Variants in GORASP2 observed in about 807,000 individuals in gnomAD.
The protein encoded by GORASP2 is Golgi reassembly-stacking protein 2.
A neutral mutation model predicts 45.7 loss-of-function variants in GORASP2; 22 were observed. The observed-to-expected ratio is 0.48, with a 90% CI of 0.34 to 0.69. The LOEUF (loss-of-function observed/expected upper bound fraction) is 0.69, where lower values mean the gene tolerates loss of function less well. GORASP2 is among the 30% of genes least tolerant of loss of function. The probability of loss-of-function intolerance (pLI) is 0.01; values close to 1 mark genes in which losing one functional copy is unlikely to be tolerated. For synonymous variants in GORASP2, 221 were observed against 215.6 expected (o/e 1.02, Z -0.22); for missense variants, 491 against 562.7 (o/e 0.87, Z 1.29).
chr2:170,942,308 A>G (rs1003100966), intron 1 of GORASP2, among the ~76,000 whole-genome samples: 2 of 152,188 alleles, frequency 1.3e-5, no homozygotes, highest in Non-Finnish European at 2.9e-5. Context: ...TTCTGCAACC[A>G]TCACCACTGC....
chr2:170,939,022 A>C (rs1266695742), intron 1 of GORASP2, among the ~76,000 whole-genome samples: 1 of 152,176 alleles, frequency 6.6e-6, no homozygotes, highest in East Asian at 1.9e-4. Flanking sequence ...CAGAGAAGTT[A>C]ATCTGATTTG....
Position 170,929,285 on chromosome 2 carries a change from C to G in GORASP2, c.-56C>G. ...ACGCGGAGGATTAGAGCAGGCGGTG[C>G]GCTGGGGGCGGGAGCAGCGCGGAGC... On this transcript the variant is annotated 5_prime_UTR_variant, in exon 1 of 10. Transcript: ENST00000234160. The G allele has an allele frequency of 7.8e-7, 1 of 1,277,546 alleles. No homozygotes were observed. Among genetic ancestry groups the G allele is most frequent in the South Asian group, 2.0e-5 (1 of 49,606 alleles). The allele number at this position is 1,277,546 out of a possible 1,614,324, so 79.1% of individuals were successfully genotyped here. A position where few individuals can be genotyped will look rare whatever the true frequency, so the allele number is the denominator to read the frequency against.
At chr2:170,934,233 G>C (rs1421164026) in intron 1 of GORASP2, among the ~76,000 whole-genome samples, 1 of 144,000 alleles carries the variant, frequency 6.9e-6, no homozygotes, top group Admixed American at 7.0e-5. Flanking sequence ...TCAAACTTTT[G>C]AAACTCATAC....
intron 2 of GORASP2, 43 bp from the exon 3 acceptor site, chr2:170,949,496 A>T: frequency 6.8e-7 from 1 of 1,461,472 alleles, no homozygotes; most frequent in Non-Finnish European, 9.6e-7. Flanking sequence ...AGCTAACATT[A>T]AATTTTTATT....
intron 1 of GORASP2, among the ~76,000 whole-genome samples, 197 bp from the exon 2 acceptor site, chr2:170,948,153 G>T (rs72876702): frequency 0.052 from 7,875 of 151,990 alleles, 314 homozygotes; most frequent in Non-Finnish European, 0.075. Flanking sequence ...ATAAATAGAA[G>T]ATTAACTTAA....
chr2:170,958,684 AAAAACAG>A (rs1559315040), intron 7 of GORASP2, among the ~76,000 whole-genome samples: 1 of 135,078 alleles, frequency 7.4e-6, no homozygotes, highest in Non-Finnish European at 1.6e-5. Context: ...TAAAAAAAAA[AAAAACAG>A]ACTCTGTTGC....
intron 1 of GORASP2, among the ~76,000 whole-genome samples, chr2:170,943,591 G>A (rs533172387): frequency 6.6e-6 from 1 of 152,144 alleles, no homozygotes; most frequent in Non-Finnish European, 1.5e-5. Flanking sequence ...CTAATAACTG[G>A]ACAAAATCAT....
chr2:170,942,770 G>A (rs538256665), intron 1 of GORASP2, among the ~76,000 whole-genome samples: 6 of 152,266 alleles, frequency 3.9e-5, no homozygotes, highest in African/African-American at 1.4e-4. Flanking sequence ...GTAACATTTT[G>A]AGGATCTGCC....
At position 170,956,541 on chromosome 2, in the gene GORASP2, A is replaced by G; in HGVS notation, c.805A>G (p.Ser269Gly). ...LSISSTPPAV[S>G]SVLSTGVPTV... is the part of the protein sequence containing the mutation. ...TATTAGCTCAACTCCACCAGCTGTC[A>G]GTAGTGTTCTCAGTACAGGTGTGCA... The change falls in exon 7 of 10, where the codon AGT becomes GGT. Residue 269 changes from serine to glycine, a missense_variant. Transcript: ENST00000234160. The G allele has an allele frequency of 6.2e-7, 1 of 1,612,868 alleles. No individual in the cohort carries two copies. Among genetic ancestry groups the G allele is most frequent in the South Asian group, 1.1e-5 (1 of 90,916 alleles).
chr2:170,929,698 T>C (rs1359480993), intron 1 of GORASP2: 2 of 612,828 alleles, frequency 3.3e-6, no homozygotes, highest in East Asian at 3.7e-5. Context: ...CTTGCTCTTT[T>C]TCCGCACGGC....
At chr2:170,951,547 A>C in intron 5 of GORASP2, 89 bp downstream of exon 5, 1 of 1,053,516 alleles carries the variant, frequency 9.5e-7, no homozygotes, top group East Asian at 2.5e-5. Flanking sequence ...TTTGAAAGAA[A>C]TTACTGGTTT....
chr2:170,961,084 G>A (rs1464867424), intron 7 of GORASP2, among the ~76,000 whole-genome samples: 6 of 152,166 alleles, frequency 3.9e-5, no homozygotes, highest in Admixed American at 6.5e-5. Flanking sequence ...GTTAGTACAC[G>A]TTTGTGTTAG....
intron 3 of GORASP2, chr2:170,949,966 A>G (rs1704264114): frequency 1.8e-6 from 1 of 566,342 alleles, no homozygotes; most frequent in South Asian, 2.5e-5. Flanking sequence ...TGATTTATTC[A>G]TTATAAGATG....
At chr2:170,955,319 G>A (rs1704399761) in intron 6 of GORASP2, among the ~76,000 whole-genome samples, 1 of 152,170 alleles carries the variant, frequency 6.6e-6, no homozygotes, top group African/African-American at 2.4e-5. Context: ...GCTGCTAGCT[G>A]TTGCTTATTG....
chr2:170,950,594 C>G (rs1704279090), intron 4 of GORASP2, among the ~76,000 whole-genome samples: 1 of 152,188 alleles, frequency 6.6e-6, no homozygotes. Context: ...TTCATTTTCT[C>G]TTCCCCTTTT....
chr2:170,942,058 G>A (rs1430104379), intron 1 of GORASP2, among the ~76,000 whole-genome samples: 1 of 152,100 alleles, frequency 6.6e-6, no homozygotes, highest in East Asian at 1.9e-4. Flanking sequence ...GTGTAGTAGT[G>A]TTGCATTGTG....
intron 8 of GORASP2, 83 bp from the exon 9 acceptor site, chr2:170,962,756 T>C: frequency 3.5e-6 from 3 of 867,880 alleles, no homozygotes; most frequent in East Asian, 2.6e-5. Flanking sequence ...TAGAAGTGGC[T>C]GGGATTGTTT....
intron 5 of GORASP2, 155 bp downstream of exon 5, chr2:170,951,613 ATTTT>A (rs1704300087): frequency 3.5e-6 from 2 of 579,432 alleles, no homozygotes; most frequent in East Asian, 3.1e-5. Flanking sequence ...ATTGAAACCA[ATTTT>A]TTTAAAGTAC....
intron 1 of GORASP2, among the ~76,000 whole-genome samples, chr2:170,937,531 T>A (rs1020043587): frequency 2.0e-5 from 3 of 152,132 alleles, no homozygotes; most frequent in African/African-American, 7.2e-5. Flanking sequence ...AATCCAGGCT[T>A]TGTGGCATGT....
Sources: allele counts gnomAD v4.1 joint callset (sites outside exome capture counted in the v4.1 genomes callset), GRCh38; gene constraint gnomAD v4.1.1; transcripts MANE v1.5; gene names NCBI Gene and HGNC (gene_info 2026-07-23, HGNC 2026-07-21).